The following SYCP2 variants were observed in gnomAD, a reference collection of about 807,000 sequenced individuals.
SYCP2 encodes synaptonemal complex lateral element protein.
A neutral mutation model predicts 211.3 loss-of-function variants in SYCP2; 55 were observed. The observed-to-expected ratio is 0.26, with a 90% confidence interval of 0.21 to 0.33. The LOEUF (loss-of-function observed/expected upper bound fraction) is 0.33, where lower values mean the gene tolerates loss of function less well. Ranked by LOEUF, SYCP2 falls within the 10% of genes least tolerant of loss-of-function variation. SYCP2 has a pLI of 1.00. For synonymous variants in SYCP2, 570 were observed against 555.2 expected (o/e 1.03, Z -0.37); for missense variants, 1,731 against 1,752.0 (o/e 0.99, Z 0.21).
chr20:59,898,273 T>A (rs1568949165), intron 18 of SYCP2, among the ~76,000 whole-genome samples: 1 of 152,218 alleles, frequency 6.6e-6, no homozygotes, highest in Non-Finnish European at 1.5e-5. Flanking sequence ...TGCACAGGTA[T>A]GTTTATTGCA....
chr20:59,871,063 A>G (rs2059443205), intron 35 of SYCP2, among the ~76,000 whole-genome samples: 1 of 151,962 alleles, frequency 6.6e-6, no homozygotes, highest in African/African-American at 2.4e-5. Flanking sequence ...TGTGTAATTA[A>G]CTGAAAATAT....
chr20:59,901,972 A>C (rs1264371487), intron 15 of SYCP2, among the ~76,000 whole-genome samples, 162 bp from the exon 16 acceptor site: 2 of 152,126 alleles, frequency 1.3e-5, no homozygotes, highest in African/African-American at 4.8e-5. Context: ...TACCTATGTA[A>C]ATCAATCAAG....
chr20:59,882,303 A>C, intron 26 of SYCP2, 138 bp from the exon 27 acceptor site: 1 of 673,180 alleles, frequency 1.5e-6, no homozygotes, highest in Non-Finnish European at 2.6e-6. Flanking sequence ...CCAAAAAGAC[A>C]GGCAATAACA....
intron 34 of SYCP2, 55 bp downstream of exon 34, chr20:59,875,216 G>T: frequency 1.8e-6 from 2 of 1,115,922 alleles, no homozygotes; most frequent in Non-Finnish European, 2.6e-6. Context: ...CCCATAATTA[G>T]AGTTATAGAA....
At chr20:59,865,765 T>G (rs890806631) in intron 42 of SYCP2, 42 bp downstream of exon 42, 1 of 1,160,444 alleles carries the variant, frequency 8.6e-7, no homozygotes, top group Non-Finnish European at 1.1e-6. Flanking sequence ...AATTTAAAAA[T>G]CTAATTTTAT....
chr20:59,909,599 T>C (rs966991086), intron 14 of SYCP2, among the ~76,000 whole-genome samples: 6 of 152,240 alleles, frequency 3.9e-5, no homozygotes, highest in Non-Finnish European at 5.9e-5. Flanking sequence ...TCTCAATAGA[T>C]ATTCATTGAA....
intron 2 of SYCP2, among the ~76,000 whole-genome samples, chr20:59,924,072 T>A (rs1320772955): frequency 6.6e-6 from 1 of 151,896 alleles, no homozygotes; most frequent in African/African-American, 2.4e-5. Context: ...TTCTGTTTCC[T>A]AAAAGCAGGA....
At chr20:59,929,998 G>T (rs1050525303) in intron 2 of SYCP2, among the ~76,000 whole-genome samples, 1 of 152,098 alleles carries the variant, frequency 6.6e-6, no homozygotes, top group African/African-American at 2.4e-5. Context: ...TTAGGACAGA[G>T]CAAAAGGGGC....
At chr20:59,872,657 G>A (rs569123814) in intron 35 of SYCP2, among the ~76,000 whole-genome samples, 5 of 151,952 alleles carry the variant, frequency 3.3e-5, no homozygotes, top group Non-Finnish European at 7.4e-5. Flanking sequence ...CGTATTCCCT[G>A]AGAATAAGGG....
At chr20:59,887,538 G>A (rs2059816131) in intron 24 of SYCP2, among the ~76,000 whole-genome samples, 1 of 152,056 alleles carries the variant, frequency 6.6e-6, no homozygotes, top group African/African-American at 2.4e-5. Context: ...GGGTCAAATG[G>A]TATTTCTAGT....
chr20:59,881,105 G>T, intron 29 of SYCP2, 82 bp from the exon 30 acceptor site: 1 of 766,406 alleles, frequency 1.3e-6, no homozygotes. Flanking sequence ...AATTAGACCT[G>T]AGTTTTCAGT....
chr20:59,929,147 A>G (rs1376489006), intron 2 of SYCP2, among the ~76,000 whole-genome samples: 2 of 152,164 alleles, frequency 1.3e-5, no homozygotes, highest in Non-Finnish European at 2.9e-5. Flanking sequence ...ACTGGCTAAT[A>G]AAGAAATGAA....
rs762575531 is a variant in SYCP2 at position 59,900,750 on chromosome 20, T to C, written c.1251A>G (p.Gly417=). The stretch of plus-strand genomic sequence containing the variant: ...AAGTAAGTCTGAGACATACCTGTGA[T>C]CCACTTGCGTCAAAAAGTATATGCA... ...TSLHILFDAS[G]SQILVPESQI... Residue 417 remains glycine (G), a synonymous_variant, in exon 17 of 45, where the codon GGA becomes GGG. Coordinates refer to ENST00000357552, the MANE Select transcript of SYCP2 (RefSeq NM_014258.4). The C allele has an allele frequency of 6.2e-7, 1 of 1,612,442 alleles. No individual in the cohort carries two copies. Among genetic ancestry groups the C allele is most frequent in the Admixed American group, 1.7e-5 (1 of 59,880 alleles).
intron 32 of SYCP2, 91 bp downstream of exon 32, chr20:59,877,917 C>A: frequency 3.0e-6 from 3 of 1,016,218 alleles, no homozygotes; most frequent in Non-Finnish European, 4.5e-6. Flanking sequence ...TAACTGATAA[C>A]AAGGATAAAA....
intron 24 of SYCP2, 86 bp from the exon 25 acceptor site, chr20:59,886,920 T>C: frequency 1.8e-6 from 2 of 1,083,884 alleles, no homozygotes; most frequent in Middle Eastern, 2.1e-4. Flanking sequence ...TTAAGATAAA[T>C]CTGGTTCTAT....
chr20:59,894,874 C>T (rs111917323), intron 20 of SYCP2, among the ~76,000 whole-genome samples: 5 of 152,140 alleles, frequency 3.3e-5, no homozygotes, highest in African/African-American at 1.2e-4. Flanking sequence ...GGAACAAATG[C>T]CCTTCTCCTC....
At chr20:59,905,967 G>T (rs549002361) in intron 15 of SYCP2, among the ~76,000 whole-genome samples, 3 of 152,162 alleles carry the variant, frequency 2.0e-5, no homozygotes, top group East Asian at 3.9e-4. Context: ...CCCATGACTG[G>T]TAAAATTAAA....
intron 18 of SYCP2, chr20:59,899,909 A>C (rs1328869704): frequency 4.1e-6 from 2 of 484,922 alleles, no homozygotes; most frequent in African/African-American, 3.9e-5. Flanking sequence ...TCTAATCTGC[A>C]ATTTACAACT....
intron 39 of SYCP2, 89 bp downstream of exon 39, chr20:59,867,622 C>G: frequency 8.5e-7 from 1 of 1,178,082 alleles, no homozygotes; most frequent in Non-Finnish European, 1.2e-6. Flanking sequence ...ATTTTGTTGC[C>G]AAAGGATCAA....
Sources: gnomAD v4.1 joint callset for allele counts (sites outside exome capture counted in the v4.1 genomes callset) on GRCh38, gnomAD v4.1.1 for gene constraint, MANE v1.5 for transcripts, NCBI Gene and HGNC (gene_info 2026-07-23, HGNC 2026-07-21) for gene names.